Variants in ELMO1 observed in about 807,000 individuals in gnomAD.
ELMO1 encodes the protein engulfment and cell motility protein 1.
In ELMO1, 26 loss-of-function variants were observed where a neutral mutation model predicts 98.9. The observed-to-expected ratio is 0.26, with a 90% CI of 0.19 to 0.36. ELMO1 has a LOEUF of 0.36. Ranked by LOEUF, ELMO1 falls within the 10% of genes least tolerant of loss-of-function variation. The probability of loss-of-function intolerance (pLI) is 1.00; values close to 1 mark genes in which losing one functional copy is unlikely to be tolerated. For synonymous variants in ELMO1, 346 were observed against 346.0 expected, an observed-to-expected ratio of 1.00 and a Z score of 0.00; for missense variants, 627 against 935.2, an observed-to-expected ratio of 0.67 and a Z score of 4.30.
chr7:37,271,956 A>C, intron 4 of ELMO1, 74 bp from the exon 5 acceptor site: 2 of 1,277,538 alleles, frequency 1.6e-6, no homozygotes, highest in Non-Finnish European at 2.3e-6. Context: ...GGCAAATATA[A>C]TCTAGCAGAT....
At position 36,867,152 on chromosome 7, in the gene ELMO1, T is replaced by C. The variant is rs764286589; in HGVS notation, c.1905+3241A>G. Among the ~76,000 whole-genome samples the C allele has an allele frequency of 6.6e-5, 10 of 152,194 alleles. No individual in the cohort carries two copies. In the East Asian group the frequency reaches 1.2e-3, roughly 18 times the overall value. On this transcript the variant is annotated intron_variant, in intron 20 of 21. Coordinates refer to ENST00000310758, the MANE Select transcript of ELMO1 (RefSeq NM_014800.11). Reference sequence around the variant, plus strand: ...AGTAGCCTCTATTTGCAGTCTTATCTGTTTACAGTGGCGTACTCCATCCAT... The same window carrying C: ...AGTAGCCTCTATTTGCAGTCTTATCCGTTTACAGTGGCGTACTCCATCCAT...
chr7:37,090,410 C>G (rs1319770699), intron 15 of ELMO1, among the ~76,000 whole-genome samples: 2 of 152,160 alleles, frequency 1.3e-5, no homozygotes, highest in Non-Finnish European at 2.9e-5. Context: ...TTATTAAAAT[C>G]CTTCTATTGG....
At chr7:36,960,811 C>A (rs545973670) in intron 16 of ELMO1, among the ~76,000 whole-genome samples, 1 of 152,146 alleles carries the variant, frequency 6.6e-6, no homozygotes, top group South Asian at 2.1e-4. Context: ...ATCAGTGTTA[C>A]GTAAATGACA....
chr7:36,955,897 C>T (rs1019771863), intron 16 of ELMO1, among the ~76,000 whole-genome samples: 2 of 152,182 alleles, frequency 1.3e-5, no homozygotes, highest in Non-Finnish European at 2.9e-5. Flanking sequence ...GCTCCCTACT[C>T]ACCCAAGAGG....
chr7:37,403,207 T>C (rs1023961359), intron 1 of ELMO1, among the ~76,000 whole-genome samples: 17 of 152,186 alleles, frequency 1.1e-4, no homozygotes, highest in Non-Finnish European at 5.9e-5. Flanking sequence ...CCTAAATACC[T>C]GTATGATTCC....
At chr7:36,886,182 G>T (rs1359326946) in intron 18 of ELMO1, among the ~76,000 whole-genome samples, 1 of 152,106 alleles carries the variant, frequency 6.6e-6, no homozygotes, top group Admixed American at 6.5e-5. Context: ...TCTTCCACTG[G>T]TCTCACTAAT....
At chr7:36,985,156 G>A in intron 16 of ELMO1, 1 of 965,864 alleles carries the variant, frequency 1.0e-6, no homozygotes, top group Non-Finnish European at 1.2e-6. Context: ...ACCCCAGGGA[G>A]CAGAGCAATA....
intron 5 of ELMO1, among the ~76,000 whole-genome samples, chr7:37,265,173 CATCTCT>C (rs1256084979): frequency 6.6e-6 from 1 of 152,158 alleles, no homozygotes; most frequent in Middle Eastern, 3.2e-3. Flanking sequence ...CAGCTGCTGG[CATCTCT>C]ACCCTCAAGC....
At chr7:37,128,990 C>G (rs1786717997) in intron 14 of ELMO1, among the ~76,000 whole-genome samples, 1 of 152,032 alleles carries the variant, frequency 6.6e-6, no homozygotes, top group African/African-American at 2.4e-5. Context: ...GTCAGGAAGT[C>G]TTCTTCAGAC....
At chr7:37,123,748 A>G (rs1437025119) in intron 14 of ELMO1, among the ~76,000 whole-genome samples, 1 of 152,210 alleles carries the variant, frequency 6.6e-6, no homozygotes, top group Non-Finnish European at 1.5e-5. Flanking sequence ...AACTATTCCT[A>G]TCAACAGAAA....
At chr7:36,906,372 T>C (rs550908481) in intron 16 of ELMO1, among the ~76,000 whole-genome samples, 1 of 152,366 alleles carries the variant, frequency 6.6e-6, no homozygotes, top group African/African-American at 2.4e-5. Flanking sequence ...TGTTGAGAAA[T>C]TGAAAACACC....
intron 16 of ELMO1, among the ~76,000 whole-genome samples, chr7:36,959,317 T>A (rs2129117330): frequency 6.6e-6 from 1 of 152,226 alleles, no homozygotes; most frequent in Non-Finnish European, 1.5e-5. Flanking sequence ...ATCTGGCAGA[T>A]CATGTCACTC....
intron 19 of ELMO1, among the ~76,000 whole-genome samples, chr7:36,871,415 A>G (rs1803490485): frequency 6.6e-6 from 1 of 152,202 alleles, no homozygotes; most frequent in Non-Finnish European, 1.5e-5. Flanking sequence ...AAAAAGATCA[A>G]CTGAAAGAAA....
At chr7:37,233,224 A>AGAGCCCC (rs1183856591) in intron 7 of ELMO1, 30 bp from the exon 8 acceptor site, 1 of 1,590,566 alleles carries the variant, frequency 6.3e-7, no homozygotes, top group Admixed American at 1.8e-5. Flanking sequence ...ACAAGAGTCA[A>AGAGCCCC]GAGCCCCAAA....
At chr7:37,299,204 G>C (rs1292255740) in intron 4 of ELMO1, among the ~76,000 whole-genome samples, 1 of 55,924 alleles carries the variant, frequency 1.8e-5, no homozygotes, top group Non-Finnish European at 3.8e-5. Flanking sequence ...CTGGGTATTA[G>C]CCCTTTGTCA....
At chr7:37,352,496 A>G (rs367842744) in intron 1 of ELMO1, among the ~76,000 whole-genome samples, 11 of 152,176 alleles carry the variant, frequency 7.2e-5, no homozygotes, top group African/African-American at 2.7e-4. Context: ...GCAATCTATA[A>G]TATTTCCCAA....
intron 4 of ELMO1, among the ~76,000 whole-genome samples, chr7:37,291,419 A>G (rs921342085): frequency 6.6e-6 from 1 of 152,244 alleles, no homozygotes; most frequent in East Asian, 1.9e-4. Context: ...ACAATAGAAA[A>G]AACAACTATG....
intron 16 of ELMO1, among the ~76,000 whole-genome samples, chr7:36,920,040 T>C (rs149422753): frequency 0.011 from 1,605 of 152,326 alleles, 11 homozygotes; most frequent in Non-Finnish European, 0.017. Flanking sequence ...TACTCTGGAA[T>C]GATGTCCAAT....
rs147152306 is a variant in ELMO1, at chr7:37,083,750, G to A, written c.1300+12869C>T. ...AGAGAGACAGGCAGCCAGAAGACCT[G>A]CCAGCTGGAGCTGCCCCTGATAGCC... is the stretch of plus-strand genomic sequence containing the variant. On this transcript the variant is annotated intron_variant, in intron 15 of 21. Coordinates refer to ENST00000310758, the MANE Select transcript of ELMO1 (RefSeq NM_014800.11). Among the ~76,000 whole-genome samples, 13 of 152,342 alleles carry A rather than the reference G, an allele frequency of 8.5e-5. No homozygotes were observed. In the East Asian group the frequency reaches 2.3e-3, roughly 27 times the overall value.
Sources: allele counts gnomAD v4.1 joint callset (sites outside exome capture counted in the v4.1 genomes callset), GRCh38; gene constraint gnomAD v4.1.1; transcripts MANE v1.5; gene names NCBI Gene and HGNC (gene_info 2026-07-23, HGNC 2026-07-21).